Variants in KIF12 observed in about 807,000 individuals in gnomAD.
The protein encoded by KIF12 is kinesin family member 12, also known as kinesin-like protein KIF12.
A neutral mutation model predicts 87.9 loss-of-function variants in KIF12; 80 were observed. That is an observed-to-expected ratio of 0.91 (90% confidence interval 0.76 to 1.10). KIF12 has a LOEUF of 1.10. Among genes scored for constraint, KIF12 ranks in the 50% least tolerant of loss-of-function variants. The pLI is 0.00. For missense variants in KIF12, 819 were observed against 865.3 expected, an observed-to-expected ratio of 0.95 and a Z score of 0.67; for synonymous variants, 353 against 348.5, an observed-to-expected ratio of 1.01 and a Z score of -0.14.
At chr9:114,092,077 T>A (rs915406440) in intron 18 of KIF12, 77 bp from the exon 19 acceptor site, 17 of 1,516,072 alleles carry the variant, frequency 1.1e-5, no homozygotes, top group Non-Finnish European at 1.5e-5. Context: ...CCCAACACCC[T>A]CTGGAGAAGC....
intron 3 of KIF12, 32 bp from the exon 4 acceptor site, chr9:114,098,461 T>TCTGGAGGAGGGCGGGGCACC (rs761997482): frequency 0.021 from 29,404 of 1,423,074 alleles, 1,260 homozygotes; most frequent in Non-Finnish European, 0.024. Context: ...AGCGGGGCAC[T>TCTGGAGGAGGGCGGGGCACC]CTGGAGGAGG....
At position 114,096,438 on chromosome 9, in the gene KIF12, C is replaced by A. The variant is rs767586205; in HGVS notation, c.687G>T (p.Gln229His). 1.6e-5 allele frequency: 25 copies of A among 1,612,826 alleles called. No homozygotes were observed. Among genetic ancestry groups the A allele is most frequent in the Non-Finnish European group, 2.0e-5 (24 of 1,179,654 alleles). Residue 229 changes from glutamine (Q) to histidine (H), a missense_variant, in exon 8 of 19, where the codon CAG (glutamine) becomes CAT (histidine). Coordinates refer to ENST00000640217, the MANE Select transcript of KIF12 (RefSeq NM_001388308.1). Reference protein sequence around the residue: ...RRRNSAHTLNQASSRSHALLT... With the variant: ...RRRNSAHTLNHASSRSHALLT... ...GCAGGGCATGGCTTCGGCTGGAGGC[C>A]TGGTTCAGGGTGTGGGCTGAGTTCC... is the stretch of plus-strand genomic sequence containing the variant.
chr9:114,098,484 G>T, intron 3 of KIF12, 55 bp from the exon 4 acceptor site: 1 of 1,365,592 alleles, frequency 7.3e-7, no homozygotes, highest in Non-Finnish European at 9.5e-7. Flanking sequence ...GGGGCACCCT[G>T]GAGGGGCGGG....
intron 16 of KIF12, 185 bp downstream of exon 16, chr9:114,093,044 G>C: frequency 8.6e-7 from 1 of 1,167,480 alleles, no homozygotes; most frequent in Non-Finnish European, 1.2e-6. Context: ...AGGGCAGGGT[G>C]AGGAGGGGGG....
In KIF12 at chr9:114,093,899, G is replaced by A; in HGVS notation, c.1387C>T (p.His463Tyr). The change falls in exon 14 of 19, where the codon CAT (histidine) becomes TAT (tyrosine). Residue 463 changes from histidine to tyrosine, a missense_variant. By Grantham distance (83) the His-to-Tyr change is moderately conservative. Transcript: ENST00000640217. ...NEQRILAQQV[H>Y]ALERRLLSAC... ...GGCTCTGCTTACCTCTCTAGTGCAT[G>A]GACCTGCTGGGCCAGGATGCGCTGC... The A allele has an allele frequency of 1.9e-6, 3 of 1,614,008 alleles. No homozygotes were observed. The highest frequency in any genetic ancestry group is 1.7e-6 in the Non-Finnish European group (2 of 1,179,908).
rs1011180786 is a variant in KIF12, at chr9:114,099,066, T to G, written c.92+38A>C. ...ACATCCTGATGTCTTCCTCGATCCT[T>G]GTCTCGCCCAGGTGCCTCCTAGCCA... On this transcript the variant is annotated intron_variant, in intron 2 of 18. Coordinates refer to ENST00000640217, the MANE Select transcript of KIF12 (RefSeq NM_001388308.1). 4 of 1,550,296 alleles carry G rather than the reference T, an allele frequency of 2.6e-6. No homozygotes were observed. The African/African-American group carries it at 5.5e-5, about 21-fold the overall frequency.
chr9:114,099,059 C>G, intron 2 of KIF12, 45 bp downstream of exon 2: 3 of 1,550,446 alleles, frequency 1.9e-6, no homozygotes, highest in Non-Finnish European at 2.6e-6. Context: ...ATGTCTTCCT[C>G]GATCCTTGTC....
chr9:114,098,025 TC>T (rs1847308701), intron 5 of KIF12, 89 bp downstream of exon 5: 1 of 1,289,602 alleles, frequency 7.8e-7, no homozygotes, highest in Admixed American at 2.7e-5. Flanking sequence ...CCCAGCCCCT[TC>T]CCTCTGGGAG....
In KIF12 at chr9:114,091,664, T is replaced by C. The variant is rs1296329794; in HGVS notation, c.*197A>G. On this transcript the variant is annotated 3_prime_UTR_variant, in exon 19 of 19. Transcript: ENST00000640217. ...TGGAGCTGATGCCTCTCTTTATTCA[T>C]GTATTTCATCCCCTGCTGCCTGGTT... 5 of 527,046 alleles carry C rather than the reference T, an allele frequency of 9.5e-6. No individual in the cohort carries two copies. The highest frequency in any genetic ancestry group is 1.7e-5 in the Non-Finnish European group (5 of 302,744). 32.6% of individuals were successfully genotyped at this position (527,046 alleles called of 1,614,324 possible).
chr9:114,098,521 G>GGGAGGATGGCGGGGCACTCT (rs1847340783), intron 3 of KIF12, 92 bp from the exon 4 acceptor site: 2 of 763,338 alleles, frequency 2.6e-6, no homozygotes, highest in African/African-American at 2.4e-5. Context: ...CGGGGCACGC[G>GGGAGGATGGCGGGGCACTCT]GGAGGAGGGC....
At chr9:114,097,471 T>A in intron 6 of KIF12, 35 bp from the exon 7 acceptor site, 5 of 1,576,860 alleles carry the variant, frequency 3.2e-6, no homozygotes, top group Non-Finnish European at 4.3e-6. Flanking sequence ...GGGAAGGGGA[T>A]CTTTCTGAGT....
chr9:114,097,564 C>T (rs200284882), intron 6 of KIF12, 43 bp downstream of exon 6: 4 of 1,609,622 alleles, frequency 2.5e-6, no homozygotes, highest in Non-Finnish European at 2.5e-6. Flanking sequence ...AGAAGCGCTC[C>T]GTTTCCTCAT....
Position 114,097,456 on chromosome 9 carries a change from G to A in KIF12, c.511-20C>T, listed in dbSNP as rs765458491. On this transcript the variant is annotated intron_variant, in intron 6 of 18. Transcript: ENST00000640217. ...CCGAACCTGGGAGGGGAGGGAGGAG[G>A]GTGAGGGAAGGGGATCTTTCTGAGT... is the stretch of plus-strand genomic sequence containing the variant. 16 of 1,583,628 alleles carry A rather than the reference G, an allele frequency of 1.0e-5. No individual in the cohort carries two copies. Among genetic ancestry groups the A allele is most frequent in the Middle Eastern group, 1.7e-4 (1 of 5,908 alleles).
In KIF12 at chr9:114,093,249, C is replaced by T; in HGVS notation, c.1576G>A (p.Gly526Arg). ...VPLAHWACLP[G>R]EHHLPQVLDP... Reference sequence around the variant, plus strand: ...CCTACCTGGGGCAGGTGGTGCTCCCCTGGCAGGCAGGCCCAGTGGGCCAGG... The same window carrying T: ...CCTACCTGGGGCAGGTGGTGCTCCCTTGGCAGGCAGGCCCAGTGGGCCAGG... The change falls in exon 16 of 19, where the codon GGG becomes AGG. Residue 526 changes from glycine (G) to arginine (R), a missense_variant. Transcript: ENST00000640217. 1 of 1,554,494 alleles carries T rather than the reference C, an allele frequency of 6.4e-7. No individual in the cohort carries two copies. Among genetic ancestry groups the T allele is most frequent in the Non-Finnish European group, 8.7e-7 (1 of 1,148,188 alleles).
chr9:114,094,782 G>A (rs1032639186), intron 11 of KIF12, among the ~76,000 whole-genome samples: 1 of 152,126 alleles, frequency 6.6e-6, no homozygotes, highest in East Asian at 1.9e-4. Flanking sequence ...TACTAACTGA[G>A]CTAGACCCTG....
chr9:114,097,675 C>A lies in KIF12; in HGVS notation c.442G>T (p.Asp148Tyr). Residue 148 changes from aspartate (D) to tyrosine (Y), a missense_variant, in exon 6 of 19, where the codon GAC (aspartate) becomes TAC (tyrosine). Coordinates refer to ENST00000640217, the MANE Select transcript of KIF12 (RefSeq NM_001388308.1). ...IMQRTFAWLL[D>Y]RVQHLGAPVT... is the part of the protein sequence containing the mutation. ...GGGGCACCCAGGTGCTGCACGCGGT[C>A]CAACAGCCAGGCGAAGGTCCTCTGC... The A allele has an allele frequency of 1.2e-6, 2 of 1,614,114 alleles. No individual in the cohort carries two copies. The highest frequency in any genetic ancestry group is 1.7e-6 in the Non-Finnish European group (2 of 1,180,022).
intron 11 of KIF12, 78 bp from the exon 12 acceptor site, chr9:114,094,533 G>GT: frequency 1.2e-6 from 1 of 819,638 alleles, no homozygotes; most frequent in Non-Finnish European, 2.0e-6. Context: ...GGTGTGGGAA[G>GT]TAACTGGGGC....
chr9:114,092,445 G>A lies in KIF12; in HGVS notation c.1704C>T (p.His568=). 1 of 1,613,696 alleles carries A rather than the reference G, an allele frequency of 6.2e-7. No homozygotes were observed. Among genetic ancestry groups the A allele is most frequent in the Non-Finnish European group, 8.5e-7 (1 of 1,179,868 alleles). Residue 568 remains histidine (H), a synonymous_variant, in exon 18 of 19, where the codon CAC becomes CAT. Coordinates refer to ENST00000640217, the MANE Select transcript of KIF12 (RefSeq NM_001388308.1). ...GSAKCPRERS[H]SDWTQTRVLA... Reference sequence around the variant, plus strand: ...GGACTCGGGTCTGAGTCCAGTCACTGTGACTCCTGGGCCAGGGTGAGTTGG... The same window carrying A: ...GGACTCGGGTCTGAGTCCAGTCACTATGACTCCTGGGCCAGGGTGAGTTGG...
Position 114,093,344 on chromosome 9 carries a change from G to T in KIF12, c.1492-11C>A. ...GAGGGGTGGCAGTGCCTGCAAAAAG[G>T]TGCGTCAGAGGCTCCATGACATCCC... On this transcript the variant is annotated splice_polypyrimidine_tract_variant and intron_variant, in intron 15 of 18. Transcript: ENST00000640217. The T allele has an allele frequency of 6.4e-7, 1 of 1,555,948 alleles. No homozygotes were observed. Among genetic ancestry groups the T allele is most frequent in the Non-Finnish European group, 8.7e-7 (1 of 1,149,162 alleles).
Sources: allele counts gnomAD v4.1 joint callset (sites outside exome capture counted in the v4.1 genomes callset), GRCh38; gene constraint gnomAD v4.1.1; transcripts MANE v1.5; gene names NCBI Gene and HGNC (gene_info 2026-07-23, HGNC 2026-07-21).